Variants in ASTN2 observed in about 807,000 individuals in gnomAD.
ASTN2 encodes astrotactin 2.
ASTN2 carries 54 observed loss-of-function variants against 139.8 expected under a neutral mutation model. That is an observed-to-expected ratio of 0.39 (90% CI 0.31 to 0.48). The LOEUF (loss-of-function observed/expected upper bound fraction) is 0.48, where lower values mean the gene tolerates loss of function less well. ASTN2 is among the 20% of genes least tolerant of loss of function. The pLI, the probability that ASTN2 is intolerant of heterozygous loss-of-function variation, is 0.95. For missense variants in ASTN2, 1,565 were observed against 1,725.1 expected (o/e 0.91, Z 1.64); for synonymous variants, 756 against 719.5 (o/e 1.05, Z -0.81).
intron 2 of ASTN2, among the ~76,000 whole-genome samples, chr9:117,272,812 T>A (rs113508905): frequency 6.6e-6 from 1 of 152,190 alleles, no homozygotes; most frequent in Non-Finnish European, 1.5e-5. Context: ...CTGGACCTTA[T>A]TGTTCATATC....
At position 117,175,057 on chromosome 9, in the gene ASTN2, A is replaced by C. The variant is rs111238893; in HGVS notation, c.1016-33579T>G. On this transcript the variant is annotated intron_variant, in intron 3 of 22. Coordinates refer to ENST00000313400, the MANE Select transcript of ASTN2 (RefSeq NM_001365068.1). Reference sequence around the variant, plus strand: ...AATGGCAAATTATGTCATTTTTTCCACATGAAAATTTAAAAAAAATCTAGA... The same window carrying C: ...AATGGCAAATTATGTCATTTTTTCCCCATGAAAATTTAAAAAAAATCTAGA... Among the ~76,000 whole-genome samples, 28 of 152,182 alleles carry C rather than the reference A, an allele frequency of 1.8e-4. 1 individual carries two copies. Among genetic ancestry groups the C allele is most frequent in the African/African-American group, 6.7e-4 (28 of 41,580 alleles).
At chr9:116,941,893 G>A (rs988394175) in intron 10 of ASTN2, among the ~76,000 whole-genome samples, 10 of 150,982 alleles carry the variant, frequency 6.6e-5, no homozygotes, top group Admixed American at 2.7e-4. Context: ...ATAGCCAGAC[G>A]ACATGAGCAG....
chr9:117,045,955 TG>T (rs1838722857), intron 5 of ASTN2, among the ~76,000 whole-genome samples: 1 of 43,904 alleles, frequency 2.3e-5, no homozygotes, highest in Non-Finnish European at 6.0e-5. Flanking sequence ...GCTGGGCTTT[TG>T]TATGTATGTA....
intron 19 of ASTN2, chr9:116,612,014 T>C (rs1160221431): frequency 6.6e-6 from 1 of 152,094 alleles, no homozygotes; most frequent in Non-Finnish European, 1.5e-5. Context: ...TTTTATAATA[T>C]GAAAATCTAT....
intron 13 of ASTN2, among the ~76,000 whole-genome samples, chr9:116,771,091 CT>C (rs1432427144): frequency 6.6e-6 from 1 of 152,208 alleles, no homozygotes; most frequent in Non-Finnish European, 1.5e-5. Context: ...TTGTCCTTGC[CT>C]AACAACCATT....
intron 2 of ASTN2, among the ~76,000 whole-genome samples, chr9:117,231,180 T>C (rs1451823695): frequency 1.3e-5 from 2 of 152,212 alleles, no homozygotes; most frequent in Non-Finnish European, 2.9e-5. Context: ...TTAGCAGTAG[T>C]ATCTACTTTA....
At chr9:116,634,605 A>T (rs1367938378) in intron 17 of ASTN2, among the ~76,000 whole-genome samples, 1 of 151,370 alleles carries the variant, frequency 6.6e-6, no homozygotes, top group Non-Finnish European at 1.5e-5. Context: ...AAAAAAAAAA[A>T]AAAAAAAAAA....
chr9:116,698,409 G>A lies in ASTN2; in HGVS notation c.2806+27362C>T, dbSNP rs1437346577. The A allele has an allele frequency of 6.2e-7, 1 of 1,614,008 alleles. No individual in the cohort carries two copies. The highest frequency in any genetic ancestry group is 8.5e-7 in the Non-Finnish European group (1 of 1,180,032). On this transcript the variant is annotated intron_variant, in intron 16 of 22. Coordinates refer to ENST00000313400, the MANE Select transcript of ASTN2 (RefSeq NM_001365068.1). The surrounding 1 kb of genome is among the most constrained non-coding windows in gnomAD (Gnocchi z 4.4). Reference sequence around the variant, plus strand: ...GAAGTCCAATAGTCAAGTGGTAGAGGAGCAGAGTTACCTGCTTAACATTGC... The same window carrying A: ...GAAGTCCAATAGTCAAGTGGTAGAGAAGCAGAGTTACCTGCTTAACATTGC...
intron 11 of ASTN2, among the ~76,000 whole-genome samples, chr9:116,843,659 CAAA>C (rs34552965): frequency 1.6e-4 from 19 of 115,604 alleles, no homozygotes; most frequent in South Asian, 8.8e-4. Flanking sequence ...AACTCTGTCT[CAAA>C]AAAAAAAAAA....
At chr9:116,502,461 T>C (rs1790918918) in intron 19 of ASTN2, among the ~76,000 whole-genome samples, 1 of 150,510 alleles carries the variant, frequency 6.6e-6, no homozygotes, top group African/African-American at 2.4e-5. Flanking sequence ...GAGAGAGACA[T>C]AGATAAGAAC....
rs577749539 is a variant in ASTN2 at position 116,766,887 on chromosome 9, TCA to T, written c.2397-33366_2397-33365del. Among the ~76,000 whole-genome samples, 401 of 151,350 alleles carry T rather than the reference TCA, an allele frequency of 2.6e-3. 5 individuals carry two copies. The highest frequency in any genetic ancestry group is 8.9e-3 in the African/African-American group (368 of 41,236). On this transcript the variant is annotated intron_variant, in intron 13 of 22. Transcript: ENST00000313400. ...CACACATAAACACACACATTCACAC[TCA>T]CATACACTTAAACACACACATTCAT...
At chr9:116,980,088 A>G (rs1375116065) in intron 7 of ASTN2, among the ~76,000 whole-genome samples, 2 of 152,156 alleles carry the variant, frequency 1.3e-5, no homozygotes, top group Non-Finnish European at 2.9e-5. Flanking sequence ...GGCAGAGGGA[A>G]AAGCCCCCGA....
chr9:116,841,470 A>T (rs1015425485), intron 11 of ASTN2, among the ~76,000 whole-genome samples: 1 of 151,988 alleles, frequency 6.6e-6, no homozygotes, highest in Admixed American at 6.6e-5. Context: ...TGAACTCCTG[A>T]CCTCCAGTGA....
At chr9:116,847,095 A>G (rs1222403975) in intron 11 of ASTN2, among the ~76,000 whole-genome samples, 3 of 151,556 alleles carry the variant, frequency 2.0e-5, no homozygotes, top group Admixed American at 6.6e-5. Context: ...AAGTAAGCAC[A>G]TTCTTATAGT....
chr9:116,932,746 C>T (rs1228993308), intron 10 of ASTN2, among the ~76,000 whole-genome samples: 1 of 152,102 alleles, frequency 6.6e-6, no homozygotes, highest in Non-Finnish European at 1.5e-5. Context: ...TGGCTCACAC[C>T]TGTACTTCCA....
At chr9:116,502,684 A>T (rs1330025371) in intron 19 of ASTN2, among the ~76,000 whole-genome samples, 1 of 5,588 alleles carries the variant, frequency 1.8e-4, no homozygotes. Context: ...GAAAGGAAAG[A>T]AGGAAGGAAG....
chr9:117,031,702 GGAA>G (rs1564393284), intron 6 of ASTN2, among the ~76,000 whole-genome samples: 3 of 152,216 alleles, frequency 2.0e-5, no homozygotes, highest in African/African-American at 7.2e-5. Flanking sequence ...TAGAGATGTG[GGAA>G]GAAGTTTTCA....
intron 11 of ASTN2, among the ~76,000 whole-genome samples, chr9:116,831,374 G>C (rs1831810135): frequency 6.6e-6 from 1 of 151,712 alleles, no homozygotes; most frequent in Non-Finnish European, 1.5e-5. Flanking sequence ...TATAAATAAA[G>C]GTAACTGAAA....
intron 1 of ASTN2, among the ~76,000 whole-genome samples, chr9:117,307,367 C>T (rs142920207): frequency 6.6e-6 from 1 of 152,322 alleles, no homozygotes; most frequent in East Asian, 1.9e-4. Flanking sequence ...TAAAACCTCA[C>T]ACACACATTC....
Sources: gnomAD v4.1 joint callset for allele counts (sites outside exome capture counted in the v4.1 genomes callset) on GRCh38, gnomAD v4.1.1 for gene constraint, Gnocchi (gnomAD v3.1) non-coding constraint, MANE v1.5 for transcripts, NCBI Gene and HGNC (gene_info 2026-07-23, HGNC 2026-07-21) for gene names.